CDH12: variants seen among roughly 807,000 people sequenced by gnomAD.
CDH12 encodes the protein cadherin 12.
In CDH12, 41 loss-of-function variants were observed where a neutral mutation model predicts 74.1. That is an observed-to-expected ratio of 0.55 (90% CI 0.43 to 0.72). CDH12 has a LOEUF of 0.72. Ranked by LOEUF, CDH12 falls within the 30% of genes least tolerant of loss-of-function variation. CDH12 has a pLI of 0.00. For missense variants in CDH12, 945 were observed against 977.2 expected (o/e 0.97, Z 0.44); for synonymous variants, 399 against 355.0 (o/e 1.12, Z -1.39).
Position 22,059,333 on chromosome 5 carries a change from T to A in CDH12, c.231+19113A>T, listed in dbSNP as rs10070272. ...ATCATCTATCCATCTATCGTCTATC[T>A]ATCATCTATCTATCTATCTATCTAT... On this transcript the variant is annotated intron_variant, in intron 5 of 14. Transcript: ENST00000382254. Among the ~76,000 whole-genome samples the A allele has an allele frequency of 3.4e-5, 5 of 145,112 alleles. No homozygotes were observed. In the South Asian group the frequency reaches 1.1e-3, roughly 32 times the overall value.
intron 3 of CDH12, among the ~76,000 whole-genome samples, chr5:22,338,771 A>G (rs547751108): frequency 1.3e-5 from 2 of 152,308 alleles, no homozygotes; most frequent in South Asian, 4.1e-4. Context: ...GGCAAAGATG[A>G]TGGAGTGTCA....
intron 9 of CDH12, among the ~76,000 whole-genome samples, chr5:21,813,724 G>T (rs1044304321): frequency 1.3e-5 from 2 of 152,012 alleles, no homozygotes; most frequent in African/African-American, 4.8e-5. Flanking sequence ...CAAACTTTTA[G>T]GAACTCACAT....
rs143844808 is a variant in CDH12, at chr5:22,664,446, C to G, written c.-522-159082G>C. Among the ~76,000 whole-genome samples the G allele has an allele frequency of 2.6e-5, 4 of 152,144 alleles. No individual in the cohort carries two copies. In the South Asian group the frequency reaches 8.3e-4, roughly 32 times the overall value. On this transcript the variant is annotated intron_variant, in intron 1 of 14. Coordinates refer to ENST00000382254, the MANE Select transcript of CDH12 (RefSeq NM_004061.5). ...GCCCCTTTTAAACTATCAGATCTTGCGAGAATTCACTCACTGTCACGAGAA... is the reference window on the plus strand; with the variant it reads ...GCCCCTTTTAAACTATCAGATCTTGGGAGAATTCACTCACTGTCACGAGAA...
At chr5:21,763,068 T>C (rs1744817268) in intron 12 of CDH12, among the ~76,000 whole-genome samples, 1 of 152,120 alleles carries the variant, frequency 6.6e-6, no homozygotes, top group Non-Finnish European at 1.5e-5. Flanking sequence ...ATATAAATCG[T>C]GGATGCACTT....
intron 1 of CDH12, among the ~76,000 whole-genome samples, chr5:22,589,647 G>A (rs766705416): frequency 6.6e-6 from 1 of 151,946 alleles, no homozygotes; most frequent in Non-Finnish European, 1.5e-5. Context: ...ACTTTTCCTC[G>A]GCTTCTGGAA....
chr5:22,171,230 T>C (rs1177536421), intron 4 of CDH12, among the ~76,000 whole-genome samples: 2 of 151,840 alleles, frequency 1.3e-5, no homozygotes, highest in African/African-American at 4.8e-5. Context: ...ATCCCTATCA[T>C]TATCACTAAC....
intron 5 of CDH12, among the ~76,000 whole-genome samples, chr5:22,024,761 G>T (rs1262250329): frequency 6.6e-6 from 1 of 152,050 alleles, no homozygotes; most frequent in African/African-American, 2.4e-5. Context: ...TGATCCACCT[G>T]CCTCTGCTTC....
chr5:22,475,883 A>G (rs1257126662), intron 2 of CDH12, among the ~76,000 whole-genome samples: 1 of 152,084 alleles, frequency 6.6e-6, no homozygotes, highest in Admixed American at 6.6e-5. Context: ...ACAAGATTTC[A>G]TAAATCACTC....
intron 2 of CDH12, among the ~76,000 whole-genome samples, chr5:22,428,454 T>C (rs1561397020): frequency 6.6e-6 from 1 of 152,048 alleles, no homozygotes; most frequent in Non-Finnish European, 1.5e-5. Context: ...TATGTGTGTG[T>C]GTGTGTGATA....
intron 6 of CDH12, among the ~76,000 whole-genome samples, chr5:21,884,848 T>G (rs2150037159): frequency 6.6e-6 from 1 of 152,326 alleles, no homozygotes; most frequent in South Asian, 2.1e-4. Context: ...AACTACTGTA[T>G]GGGGTAATAA....
intron 2 of CDH12, among the ~76,000 whole-genome samples, chr5:22,456,626 G>A (rs1485819001): frequency 8.1e-6 from 1 of 123,108 alleles, no homozygotes; most frequent in Non-Finnish European, 1.8e-5. Flanking sequence ...AAATCTGAAA[G>A]TCTTTGAATG....
At chr5:22,153,609 G>A (rs573262212) in intron 4 of CDH12, among the ~76,000 whole-genome samples, 1 of 150,974 alleles carries the variant, frequency 6.6e-6, no homozygotes, top group Non-Finnish European at 1.5e-5. Context: ...TTCTTTATCT[G>A]TAAAGTGGGA....
intron 1 of CDH12, among the ~76,000 whole-genome samples, chr5:22,677,078 T>A (rs1433368482): frequency 6.6e-6 from 1 of 152,186 alleles, no homozygotes; most frequent in Non-Finnish European, 1.5e-5. Flanking sequence ...AAATGGCAGC[T>A]GAGTGCTGCT....
intron 5 of CDH12, among the ~76,000 whole-genome samples, chr5:22,005,626 AT>A (rs1282542530): frequency 6.6e-6 from 1 of 151,572 alleles, no homozygotes; most frequent in African/African-American, 2.4e-5. Flanking sequence ...GTATTAAAAC[AT>A]TTTTACCTGA....
chr5:22,071,613 C>A (rs1741943346), intron 5 of CDH12, among the ~76,000 whole-genome samples: 1 of 152,008 alleles, frequency 6.6e-6, no homozygotes, highest in Admixed American at 6.6e-5. Flanking sequence ...AATGAAAAAT[C>A]AGGGTTCTCT....
intron 2 of CDH12, among the ~76,000 whole-genome samples, chr5:22,466,789 T>C (rs1394680705): frequency 7.8e-6 from 1 of 127,528 alleles, no homozygotes; most frequent in Non-Finnish European, 1.6e-5. Context: ...TTTTTTTTTT[T>C]TTTTTTTTTT....
intron 3 of CDH12, among the ~76,000 whole-genome samples, chr5:22,215,561 T>C (rs1005830096): frequency 6.6e-6 from 1 of 151,998 alleles, no homozygotes; most frequent in Non-Finnish European, 1.5e-5. Context: ...ATTCATTTGC[T>C]CTCCCACTCA....
intron 3 of CDH12, among the ~76,000 whole-genome samples, chr5:22,383,308 G>T (rs748894366): frequency 2.6e-5 from 4 of 152,164 alleles, no homozygotes; most frequent in African/African-American, 9.7e-5. Context: ...CATTAGAAAT[G>T]AGCACACGTA....
chr5:22,237,740 G>T (rs1486121570), intron 3 of CDH12, among the ~76,000 whole-genome samples: 3 of 152,144 alleles, frequency 2.0e-5, no homozygotes, highest in Admixed American at 2.0e-4. Flanking sequence ...TATCCATGAG[G>T]TGCATATAAA....
Sources: gnomAD v4.1 joint callset for allele counts (sites outside exome capture counted in the v4.1 genomes callset) on GRCh38, gnomAD v4.1.1 for gene constraint, MANE v1.5 for transcripts, NCBI Gene and HGNC (gene_info 2026-07-23, HGNC 2026-07-21) for gene names.